The following PARD6G variants were observed in gnomAD, a reference collection of about 807,000 sequenced individuals.
The protein encoded by PARD6G is par-6 family cell polarity regulator gamma, also known as partitioning defective 6 homolog gamma.
A neutral mutation model predicts 10.7 loss-of-function variants in PARD6G; 7 were observed. That is an observed-to-expected ratio of 0.66 (90% CI 0.37 to 1.23). The LOEUF (loss-of-function observed/expected upper bound fraction) is 1.23, where lower values mean the gene tolerates loss of function less well. PARD6G is among the 50% of genes most tolerant of loss of function. PARD6G has a pLI of 0.02. For synonymous variants in PARD6G, 287 were observed against 269.4 expected (o/e 1.07, Z -0.64); for missense variants, 548 against 571.8 (o/e 0.96, Z 0.42).
At position 80,246,330 on chromosome 18, in the gene PARD6G, C is replaced by T. The variant is rs1402018814; in HGVS notation, c.72+947G>A. 2.0e-5 allele frequency among the ~76,000 whole-genome samples: 3 copies of T among 152,192 alleles called. No homozygotes were observed. The highest frequency in any genetic ancestry group is 2.9e-5 in the Non-Finnish European group (2 of 68,034). ...AGCCCGCGGGGTCCACCAAGGAGAC[C>T]CTCACAAACAATAGCATCTGCGGCG... On this transcript the variant is annotated intron_variant, in intron 1 of 2. Coordinates refer to ENST00000353265, the MANE Select transcript of PARD6G (RefSeq NM_032510.4). This position sits in a 1 kb window ranked among gnomAD's most constrained non-coding sequence, Gnocchi z 6.7.
chr18:80,188,103 A>G lies in PARD6G; in HGVS notation c.295+14607T>C, dbSNP rs76315741. Among the ~76,000 whole-genome samples, 718 of 152,332 alleles carry G rather than the reference A, an allele frequency of 4.7e-3. 7 individuals carry two copies. Among genetic ancestry groups the G allele is most frequent in the African/African-American group, 0.016 (674 of 41,568 alleles). ...GTTACGTGGCGCGCGACCGTGCTCA[A>G]TATTAGAAGTAAGATGCCTTGGACA... On this transcript the variant is annotated intron_variant, in intron 2 of 2. Transcript: ENST00000353265. This position sits in a 1 kb window ranked among gnomAD's most constrained non-coding sequence, Gnocchi z 5.4.
At chr18:80,218,073 A>G (rs933917545) in intron 1 of PARD6G, among the ~76,000 whole-genome samples, 1 of 152,112 alleles carries the variant, frequency 6.6e-6, no homozygotes, top group Non-Finnish European at 1.5e-5. Flanking sequence ...AGGAACTACA[A>G]TTCAAGATGA....
chr18:80,225,555 T>G (rs1967280760), intron 1 of PARD6G, among the ~76,000 whole-genome samples: 1 of 152,088 alleles, frequency 6.6e-6, no homozygotes, highest in South Asian at 2.1e-4. Flanking sequence ...CCAGCTCACC[T>G]CCCCCTTCAG....
chr18:80,187,477 A>T (rs1276976770), intron 2 of PARD6G, among the ~76,000 whole-genome samples: 1 of 152,214 alleles, frequency 6.6e-6, no homozygotes, highest in African/African-American at 2.4e-5. Context: ...AGCATCCCCA[A>T]AGCAGCCCTC....
In PARD6G at chr18:80,202,751, G is replaced by A. The variant is rs1439165052; in HGVS notation, c.254C>T (p.Ser85Phe). 6.2e-7 allele frequency: 1 copy of A among 1,613,708 alleles called. No individual in the cohort carries two copies. Among genetic ancestry groups the A allele is most frequent in the Non-Finnish European group, 8.5e-7 (1 of 1,180,006 alleles). The part of the protein sequence containing the change: ...NNDDNFCKAV[S>F]SANPLLRVFI... ...GACCCTGAGCAGGGGATTTGCACTAGAAACCGCCTTGCAGAAGTTGTCATC... is the reference window on the plus strand; with the variant it reads ...GACCCTGAGCAGGGGATTTGCACTAAAAACCGCCTTGCAGAAGTTGTCATC... The change falls in exon 2 of 3, where the codon TCT becomes TTT. Residue 85 changes from serine (S) to phenylalanine (F), a missense_variant. Transcript: ENST00000353265.
At chr18:80,160,884 T>C (rs1351057503) in intron 2 of PARD6G, among the ~76,000 whole-genome samples, 1 of 152,182 alleles carries the variant, frequency 6.6e-6, no homozygotes, top group Non-Finnish European at 1.5e-5. Flanking sequence ...AGAGAATCAA[T>C]GGCAGTGGAG....
At chr18:80,243,330 A>G in intron 1 of PARD6G, among the ~76,000 whole-genome samples, 1 of 152,184 alleles carries the variant, frequency 6.6e-6, no homozygotes, top group East Asian at 1.9e-4. Context: ...TTAGAGGGGA[A>G]GCCGGCTACA....
At chr18:80,213,828 G>C (rs1051883459) in intron 1 of PARD6G, among the ~76,000 whole-genome samples, 34 of 151,772 alleles carry the variant, frequency 2.2e-4, no homozygotes, top group Non-Finnish European at 4.1e-4. Context: ...CGTGGTGGCG[G>C]GTGTGTGTAG....
chr18:80,177,529 C>T (rs1778107379), intron 2 of PARD6G, among the ~76,000 whole-genome samples: 1 of 147,596 alleles, frequency 6.8e-6, no homozygotes, highest in Non-Finnish European at 1.5e-5. Flanking sequence ...CGTGCACACA[C>T]ATGCACGCGG....
intron 1 of PARD6G, among the ~76,000 whole-genome samples, chr18:80,220,186 T>C (rs1434258526): frequency 7.2e-5 from 11 of 152,104 alleles, no homozygotes; most frequent in Non-Finnish European, 4.4e-5. Context: ...GAGAAGAGCA[T>C]AGCAAAGTTG....
Position 80,200,358 on chromosome 18 carries a change from C to T in PARD6G, c.295+2352G>A, listed in dbSNP as rs573717828. On this transcript the variant is annotated intron_variant, in intron 2 of 2. Coordinates refer to ENST00000353265, the MANE Select transcript of PARD6G (RefSeq NM_032510.4). The surrounding 1 kb of genome is among the most constrained non-coding windows in gnomAD (Gnocchi z 4.4). ...TTACAGTCAAATCCACTGAGGACAG[C>T]GAGAGGCAGCTCTGATTTTCCCAAA... Among the ~76,000 whole-genome samples the T allele has an allele frequency of 1.3e-5, 2 of 152,284 alleles. No homozygotes were observed. The highest frequency in any genetic ancestry group is 4.8e-5 in the African/African-American group (2 of 41,560).
At position 80,160,364 on chromosome 18, in the gene PARD6G, C is replaced by T. The variant is rs748983810; in HGVS notation, c.538G>A (p.Val180Met). Reference protein sequence around the residue: ...LGFYIRDGASVRVTPHGLEKV... With the variant: ...LGFYIRDGASMRVTPHGLEKV... ...TCCAGCCCGTGCGGGGTCACGCGCACGCTGGCGCCATCGCGGATGTAGAAG... is the reference window on the plus strand; with the variant it reads ...TCCAGCCCGTGCGGGGTCACGCGCATGCTGGCGCCATCGCGGATGTAGAAG... The change falls in exon 3 of 3, where the codon GTG (valine) becomes ATG (methionine). Residue 180 changes from valine (V) to methionine (M), a missense_variant. Val to Met is a conservative substitution (Grantham distance 21, BLOSUM62 1). Around this residue, in one of 2 missense-constraint regions of PARD6G, gnomAD observed 235 missense variants for 291.9 expected, o/e 0.81. Transcript: ENST00000353265. 9.9e-6 allele frequency: 16 copies of T among 1,610,780 alleles called. No homozygotes were observed. Among genetic ancestry groups the T allele is most frequent in the South Asian group, 5.5e-5 (5 of 90,952 alleles).
chr18:80,226,703 A>C (rs1457116316), intron 1 of PARD6G, among the ~76,000 whole-genome samples: 1 of 152,184 alleles, frequency 6.6e-6, no homozygotes, highest in African/African-American at 2.4e-5. Flanking sequence ...TCTGTTAATT[A>C]TAATGTGCCC....
intron 2 of PARD6G, chr18:80,197,693 A>T (rs1180852173): frequency 2.0e-5 from 3 of 152,182 alleles, no homozygotes; most frequent in Non-Finnish European, 4.4e-5. Context: ...TTTGATGGAT[A>T]AGCAGGGAAA....
intron 1 of PARD6G, among the ~76,000 whole-genome samples, chr18:80,229,561 A>G (rs891052885): frequency 6.6e-6 from 1 of 152,182 alleles, no homozygotes; most frequent in South Asian, 2.1e-4. Context: ...AATGCTCTAC[A>G]CCAGACCCGG....
intron 1 of PARD6G, among the ~76,000 whole-genome samples, chr18:80,240,986 T>A (rs1320158543): frequency 6.6e-6 from 1 of 152,306 alleles, no homozygotes; most frequent in East Asian, 1.9e-4. Flanking sequence ...AATGTATGGA[T>A]AAGATCAGAC....
At position 80,202,941 on chromosome 18, in the gene PARD6G, CAAGAGACGGGGTGGGGGGAGGGGCATT is replaced by C; in HGVS notation, c.73-36_73-10del. Reference sequence around the variant, plus strand: ...CGGAATTCCGCCCCAAACTACAATGCAAGAGACGGGGTGGGGGGAGGGGCATTAATAAATACCAGAGAAATATCCAGA... The same window carrying C: ...CGGAATTCCGCCCCAAACTACAATGCAATAAATACCAGAGAAATATCCAGA... On this transcript the variant is annotated splice_polypyrimidine_tract_variant and intron_variant, in intron 1 of 2. Transcript: ENST00000353265. 6.9e-7 allele frequency: 1 copy of C among 1,443,696 alleles called. No homozygotes were observed. Among genetic ancestry groups the C allele is most frequent in the Non-Finnish European group, 9.4e-7 (1 of 1,066,782 alleles). The allele number at this position is 1,443,696 out of a possible 1,614,324, so 89.4% of individuals were successfully genotyped here.
chr18:80,184,946 G>A lies in PARD6G; in HGVS notation c.295+17764C>T, dbSNP rs959229712. On this transcript the variant is annotated intron_variant, in intron 2 of 2. Coordinates refer to ENST00000353265, the MANE Select transcript of PARD6G (RefSeq NM_032510.4). This position sits in a 1 kb window ranked among gnomAD's most constrained non-coding sequence, Gnocchi z 4.5. ...GGATGCTGACTTAGGTCTCAATAAA[G>A]CTAAAAAATAAGGTGGCTCCTTCCA... 1 of 152,152 alleles carries A rather than the reference G, an allele frequency of 6.6e-6. No individual in the cohort carries two copies. The highest frequency in any genetic ancestry group is 2.4e-5 in the African/African-American group (1 of 41,418). 9.4% of individuals were successfully genotyped at this position (152,152 alleles called of 1,614,324 possible).
At position 80,228,241 on chromosome 18, in the gene PARD6G, C is replaced by T. The variant is rs375500082; in HGVS notation, c.72+19036G>A. Among the ~76,000 whole-genome samples, 158 of 152,030 alleles carry T rather than the reference C, an allele frequency of 1.0e-3. 1 individual carries two copies. Among genetic ancestry groups the T allele is most frequent in the African/African-American group, 3.5e-3 (147 of 41,466 alleles). On this transcript the variant is annotated intron_variant, in intron 1 of 2. Coordinates refer to ENST00000353265, the MANE Select transcript of PARD6G (RefSeq NM_032510.4). This position sits in a 1 kb window ranked among gnomAD's most constrained non-coding sequence, Gnocchi z 4.6. ...TCACATCCCACGGGGGAGACGGCAG[C>T]GAGCAGAGAGACCCCAAGTGAAAAC...
Sources: gnomAD v4.1 joint callset for allele counts (sites outside exome capture counted in the v4.1 genomes callset) on GRCh38, gnomAD v4.1.1 for gene constraint, gnomAD v4.1.1 regional missense constraint, Gnocchi (gnomAD v3.1) non-coding constraint, MANE v1.5 for transcripts, NCBI Gene and HGNC (gene_info 2026-07-23, HGNC 2026-07-21) for gene names.